The following CFAP299 variants were observed in gnomAD, a reference collection of about 807,000 sequenced individuals.
CFAP299 encodes the protein cilia- and flagella-associated protein 299.
CFAP299 carries 21 observed loss-of-function variants against 27.0 expected under a neutral mutation model. That is an observed-to-expected ratio of 0.78 (90% confidence interval 0.55 to 1.12). The LOEUF (loss-of-function observed/expected upper bound fraction) is 1.12, where lower values mean the gene tolerates loss of function less well. Among genes scored for constraint, CFAP299 ranks in the 50% most tolerant of loss-of-function variants. The pLI is 0.00. For synonymous variants in CFAP299, 104 were observed against 98.1 expected (o/e 1.06, Z -0.36); for missense variants, 310 against 276.6 (o/e 1.12, Z -0.86).
At chr4:80,565,738 G>GA (rs983933273) in intron 2 of CFAP299, among the ~76,000 whole-genome samples, 13 of 151,416 alleles carry the variant, frequency 8.6e-5, no homozygotes, top group East Asian at 1.9e-4. Flanking sequence ...ATACTCTAAG[G>GA]AAAAAAAAGA....
chr4:80,438,397 A>C (rs1489266452), intron 2 of CFAP299, among the ~76,000 whole-genome samples: 2 of 152,222 alleles, frequency 1.3e-5, no homozygotes, highest in Non-Finnish European at 2.9e-5. Flanking sequence ...TTTCATGTCC[A>C]GCTTCCAAAT....
intron 3 of CFAP299, among the ~76,000 whole-genome samples, chr4:80,788,214 A>G (rs1220084595): frequency 6.6e-6 from 1 of 152,046 alleles, no homozygotes; most frequent in East Asian, 1.9e-4. Flanking sequence ...AACTCATTGA[A>G]GGCAAAGAAT....
intron 2 of CFAP299, among the ~76,000 whole-genome samples, chr4:80,394,622 T>C (rs988092802): frequency 2.0e-5 from 3 of 152,184 alleles, no homozygotes; most frequent in Non-Finnish European, 4.4e-5. Context: ...TATAAAGGTC[T>C]AATTTCATTC....
intron 4 of CFAP299, among the ~76,000 whole-genome samples, chr4:80,940,052 A>G (rs1737113423): frequency 6.6e-6 from 1 of 152,042 alleles, no homozygotes. Context: ...CTCTGTGAGT[A>G]TTTGCTCGCA....
chr4:80,739,938 A>G (rs948230984), intron 3 of CFAP299, among the ~76,000 whole-genome samples: 14 of 152,064 alleles, frequency 9.2e-5, no homozygotes, highest in African/African-American at 3.4e-4. Flanking sequence ...ATTCAATTCT[A>G]TTAAAATACT....
At chr4:80,561,602 C>T (rs1158741660) in intron 2 of CFAP299, among the ~76,000 whole-genome samples, 1 of 151,820 alleles carries the variant, frequency 6.6e-6, no homozygotes, top group Non-Finnish European at 1.5e-5. Context: ...ATAAATTTAA[C>T]AAAGAGATTG....
chr4:80,340,782 T>G (rs1722406865), intron 1 of CFAP299, among the ~76,000 whole-genome samples: 1 of 137,902 alleles, frequency 7.3e-6, no homozygotes, highest in Non-Finnish European at 1.5e-5. Flanking sequence ...TATTTTATTT[T>G]ATTATTTTTT....
At chr4:80,661,187 G>A (rs1489324253) in intron 3 of CFAP299, among the ~76,000 whole-genome samples, 1 of 151,926 alleles carries the variant, frequency 6.6e-6, no homozygotes, top group African/African-American at 2.4e-5. Context: ...TTAATCGGAT[G>A]TGGTTGCGTG....
intron 3 of CFAP299, among the ~76,000 whole-genome samples, chr4:80,585,097 C>T (rs1736366035): frequency 1.3e-5 from 2 of 151,952 alleles, no homozygotes; most frequent in Non-Finnish European, 2.9e-5. Context: ...CGGATGCCAG[C>T]AGATGCACTG....
At chr4:80,766,654 T>C (rs1407517693) in intron 3 of CFAP299, among the ~76,000 whole-genome samples, 2 of 152,188 alleles carry the variant, frequency 1.3e-5, no homozygotes, top group African/African-American at 4.8e-5. Flanking sequence ...ACTTCCTTTG[T>C]TCCCTTTACT....
At chr4:80,710,871 C>T (rs936098778) in intron 3 of CFAP299, among the ~76,000 whole-genome samples, 1 of 152,120 alleles carries the variant, frequency 6.6e-6, no homozygotes. Flanking sequence ...ACAAACAAAT[C>T]TCTAAGCCTT....
chr4:80,475,840 T>G (rs1730248427), intron 2 of CFAP299, among the ~76,000 whole-genome samples: 1 of 152,136 alleles, frequency 6.6e-6, no homozygotes, highest in Admixed American at 6.5e-5. Context: ...AGTCCTAGAA[T>G]ATTCCTAAAT....
chr4:80,414,571 G>A (rs1383238505), intron 2 of CFAP299, among the ~76,000 whole-genome samples: 2 of 152,164 alleles, frequency 1.3e-5, no homozygotes. Context: ...TTTTCAAAGC[G>A]TTTTGTTGTT....
At chr4:80,561,515 A>G (rs1735033789) in intron 2 of CFAP299, among the ~76,000 whole-genome samples, 2 of 152,120 alleles carry the variant, frequency 1.3e-5, no homozygotes, top group African/African-American at 4.8e-5. Flanking sequence ...CCTTTCAGAC[A>G]GAGAATTCAA....
intron 3 of CFAP299, among the ~76,000 whole-genome samples, chr4:80,757,366 G>T (rs1725294767): frequency 6.6e-6 from 1 of 152,000 alleles, no homozygotes. Context: ...TTTTAAAATT[G>T]TTTTTCTCAT....
intron 2 of CFAP299, among the ~76,000 whole-genome samples, chr4:80,431,226 G>C (rs1340276775): frequency 6.6e-6 from 1 of 152,144 alleles, no homozygotes; most frequent in Non-Finnish European, 1.5e-5. Flanking sequence ...TCAGTAACTG[G>C]AATGGTATCT....
At chr4:80,367,366 G>C (rs1408850889) in intron 2 of CFAP299, among the ~76,000 whole-genome samples, 2 of 152,114 alleles carry the variant, frequency 1.3e-5, no homozygotes, top group Non-Finnish European at 2.9e-5. Flanking sequence ...ATTCTTAAAG[G>C]CTCAATTAGA....
intron 2 of CFAP299, among the ~76,000 whole-genome samples, chr4:80,575,307 G>A (rs139545311): frequency 4.6e-5 from 7 of 151,588 alleles, no homozygotes; most frequent in African/African-American, 1.7e-4. Context: ...CAGTTATAAT[G>A]TCTCCTTTTT....
chr4:80,401,092 G>T (rs906371599), intron 2 of CFAP299, among the ~76,000 whole-genome samples: 2 of 152,146 alleles, frequency 1.3e-5, no homozygotes, highest in African/African-American at 4.8e-5. Context: ...GCATTCAGGA[G>T]GTTACTTGGG....
Sources: gnomAD v4.1 joint callset for allele counts (sites outside exome capture counted in the v4.1 genomes callset) on GRCh38, gnomAD v4.1.1 for gene constraint, MANE v1.5 for transcripts, NCBI Gene and HGNC (gene_info 2026-07-23, HGNC 2026-07-21) for gene names.